The following CEACAM3 variants were observed in gnomAD, a reference collection of about 807,000 sequenced individuals.
CEACAM3 encodes cell adhesion molecule CEACAM3.
CEACAM3 carries 32 observed loss-of-function variants against 30.1 expected under a neutral mutation model. The observed-to-expected ratio is 1.06, with a 90% CI of 0.80 to 1.43. The LOEUF (loss-of-function observed/expected upper bound fraction) is 1.43. Ranked by LOEUF, CEACAM3 falls within the 40% of genes most tolerant of loss-of-function variation. The pLI is 0.00. For synonymous variants in CEACAM3, 134 were observed against 127.2 expected (o/e 1.05, Z -0.36); for missense variants, 290 against 316.3 (o/e 0.92, Z 0.63).
intron 2 of CEACAM3, among the ~76,000 whole-genome samples, chr19:41,803,905 C>A (rs1253859116): frequency 2.0e-5 from 3 of 151,874 alleles, no homozygotes; most frequent in African/African-American, 4.8e-5. Flanking sequence ...CATGATGATA[C>A]CCTGTCTCTA....
chr19:41,806,558 G>A (rs1204605351), intron 2 of CEACAM3, among the ~76,000 whole-genome samples: 1 of 152,200 alleles, frequency 6.6e-6, no homozygotes, highest in Admixed American at 6.5e-5. Context: ...TTAATTCACA[G>A]TTGAGAAAGT....
At chr19:41,811,114 C>T (rs528140281) in intron 6 of CEACAM3, 58 bp from the exon 7 acceptor site, 98 of 1,573,470 alleles carry the variant, frequency 6.2e-5, no homozygotes, top group Middle Eastern at 1.7e-4. Flanking sequence ...GCCTGGGAGA[C>T]GCCACACCCT....
At position 41,800,970 on chromosome 19, in the gene CEACAM3, C is replaced by T. The variant is rs184759807; in HGVS notation, c.424+3022C>T. Among the ~76,000 whole-genome samples the T allele has an allele frequency of 4.6e-5, 7 of 152,218 alleles. No homozygotes were observed. The South Asian group carries it at 8.3e-4, about 18-fold the overall frequency. ...TCTCCGCACATGGGGAGAGACCCAC[C>T]GACCCTGTGGGGCTGGTCCCTACAC... On this transcript the variant is annotated intron_variant, in intron 2 of 6. Transcript: ENST00000357396.
At chr19:41,800,625 A>C (rs2073138262) in intron 2 of CEACAM3, among the ~76,000 whole-genome samples, 1 of 152,114 alleles carries the variant, frequency 6.6e-6, no homozygotes, top group Non-Finnish European at 1.5e-5. Flanking sequence ...AAATTAGTGA[A>C]AGTACTAAAA....
chr19:41,810,494 C>A, intron 5 of CEACAM3, 140 bp downstream of exon 5: 1 of 1,059,396 alleles, frequency 9.4e-7, no homozygotes, highest in Admixed American at 2.2e-5. Context: ...CTGCCCTGGC[C>A]AGGAGCTGGG....
At chr19:41,805,544 A>C (rs760777280) in intron 2 of CEACAM3, among the ~76,000 whole-genome samples, 1 of 152,010 alleles carries the variant, frequency 6.6e-6, no homozygotes, top group Non-Finnish European at 1.5e-5. Flanking sequence ...CCGCCTCAGC[A>C]TCCCAAAAGG....
At chr19:41,797,305 G>C (rs2073109590) in intron 1 of CEACAM3, 1 of 429,940 alleles carries the variant, frequency 2.3e-6, no homozygotes, top group African/African-American at 2.0e-5. Context: ...GTCTCTAGAG[G>C]AGGTGTCAGG....
intron 1 of CEACAM3, 112 bp from the exon 2 acceptor site, chr19:41,797,477 C>A: frequency 7.2e-7 from 1 of 1,386,188 alleles, no homozygotes; most frequent in Non-Finnish European, 9.9e-7. Context: ...AAGTGGGACA[C>A]ACATACACTC....
In CEACAM3 at chr19:41,811,326, G is replaced by A; in HGVS notation, c.*89G>A. 8.8e-7 allele frequency: 1 copy of A among 1,136,646 alleles called. No homozygotes were observed. Among genetic ancestry groups the A allele is most frequent in the Non-Finnish European group, 1.3e-6 (1 of 755,008 alleles). The allele number at this position is 1,136,646 out of a possible 1,614,324, so 70.4% of individuals were successfully genotyped here. A position where few individuals can be genotyped will look rare whatever the true frequency, so the allele number is the denominator to read the frequency against. The stretch of plus-strand genomic sequence containing the variant: ...GGGGAAGGACATGAAGCCTGAGCCA[G>A]AGAACCAGCTATAAGTCCTGAGAAG... On this transcript the variant is annotated 3_prime_UTR_variant, in exon 7 of 7. Coordinates refer to ENST00000357396, the MANE Select transcript of CEACAM3 (RefSeq NM_001815.5).
In CEACAM3 at chr19:41,803,273, C is replaced by T. The variant is rs146456701; in HGVS notation, c.424+5325C>T. On this transcript the variant is annotated intron_variant, in intron 2 of 6. Coordinates refer to ENST00000357396, the MANE Select transcript of CEACAM3 (RefSeq NM_001815.5). ...TTCTAAGACAGAACCAAAAGAAATGCTAGAGATAAAAAAAGAAACCCTCCT... is the reference window on the plus strand; with the variant it reads ...TTCTAAGACAGAACCAAAAGAAATGTTAGAGATAAAAAAAGAAACCCTCCT... Among the ~76,000 whole-genome samples, 24 of 151,980 alleles carry T rather than the reference C, an allele frequency of 1.6e-4. No individual in the cohort carries two copies. In the East Asian group the frequency reaches 3.9e-3, roughly 24 times the overall value.
At position 41,808,835 on chromosome 19, in the gene CEACAM3, T is replaced by C. The variant is rs1555827172; in HGVS notation, c.447T>C (p.Pro149=). Residue 149 remains proline, a synonymous_variant, in exon 3 of 7, where the codon CCT becomes CCC. Transcript: ENST00000357396. The part of the protein sequence containing the change: ...HVYQENAPGL[P]VGAVAGIVTG... ...CAGAAGAAAATGCCCCAGGCCTTCCTGTGGGGGCCGTCGCCGGCATCGTGA... is the reference window on the plus strand; with the variant it reads ...CAGAAGAAAATGCCCCAGGCCTTCCCGTGGGGGCCGTCGCCGGCATCGTGA... 2.5e-6 allele frequency: 4 copies of C among 1,612,526 alleles called. No individual in the cohort carries two copies. The highest frequency in any genetic ancestry group is 2.5e-6 in the Non-Finnish European group (3 of 1,179,176).
chr19:41,807,467 A>G lies in CEACAM3; in HGVS notation c.425-1346A>G. 3.0e-6 allele frequency: 4 copies of G among 1,354,386 alleles called. 1 individual carries two copies. The South Asian group carries it at 5.4e-5, about 18-fold the overall frequency. The allele number at this position is 1,354,386 out of a possible 1,614,324, so 83.9% of individuals were successfully genotyped here. ...GAGGCCAGGCCTCTCAGTCCCTCTC[A>G]AGTCCAGGGACTCAGACTCTCACCC... On this transcript the variant is annotated intron_variant, in intron 2 of 6. Transcript: ENST00000357396.
intron 2 of CEACAM3, among the ~76,000 whole-genome samples, chr19:41,803,426 A>ATG (rs1164324050): frequency 0.04 from 5,148 of 128,918 alleles, 171 homozygotes; most frequent in African/African-American, 0.09. Context: ...TTGTGTGTGT[A>ATG]TGTGTGTGTG....
chr19:41,811,242 C>G lies in CEACAM3; in HGVS notation c.*5C>G. ...AAAGCAGAAGTGGCTTCTTAGCTTC[C>G]TCCAGGAGCTGCTCCTGTGTGTTGA... is the stretch of plus-strand genomic sequence containing the variant. On this transcript the variant is annotated 3_prime_UTR_variant, in exon 7 of 7. Coordinates refer to ENST00000357396, the MANE Select transcript of CEACAM3 (RefSeq NM_001815.5). 4.3e-6 allele frequency: 7 copies of G among 1,612,950 alleles called. No individual in the cohort carries two copies. The highest frequency in any genetic ancestry group is 5.9e-6 in the Non-Finnish European group (7 of 1,179,286).
At chr19:41,799,062 AG>A (rs1198141892) in intron 2 of CEACAM3, among the ~76,000 whole-genome samples, 2 of 152,138 alleles carry the variant, frequency 1.3e-5, no homozygotes, top group Non-Finnish European at 2.9e-5. Context: ...CACATCTCAG[AG>A]GGGGAGATTT....
chr19:41,809,781 A>C, intron 3 of CEACAM3, 184 bp from the exon 4 acceptor site: 1 of 660,102 alleles, frequency 1.5e-6, no homozygotes, highest in Non-Finnish European at 2.8e-6. Context: ...CTCAGGACAG[A>C]TGTGGGTTCC....
At chr19:41,799,183 G>A (rs2073127423) in intron 2 of CEACAM3, among the ~76,000 whole-genome samples, 1 of 152,158 alleles carries the variant, frequency 6.6e-6, no homozygotes, top group Non-Finnish European at 1.5e-5. Flanking sequence ...AACATTGGAG[G>A]TGAGGCCTGG....
intron 1 of CEACAM3, 75 bp from the exon 2 acceptor site, chr19:41,797,514 T>C (rs561494451): frequency 6.5e-7 from 1 of 1,542,632 alleles, no homozygotes; most frequent in South Asian, 1.3e-5. Context: ...GAAGAGACTC[T>C]CTCAGGACCC....
chr19:41,798,011 G>C, intron 2 of CEACAM3, 63 bp downstream of exon 2: 1 of 1,556,296 alleles, frequency 6.4e-7, no homozygotes, highest in Non-Finnish European at 8.7e-7. Flanking sequence ...ATATGGGATT[G>C]TCAGGCCTGG....
Sources: allele counts gnomAD v4.1 joint callset (sites outside exome capture counted in the v4.1 genomes callset), GRCh38; gene constraint gnomAD v4.1.1; transcripts MANE v1.5; gene names NCBI Gene and HGNC (gene_info 2026-07-23, HGNC 2026-07-21).